Variants in RGS6 observed in about 807,000 individuals in gnomAD.
RGS6 encodes regulator of G-protein signaling 6.
In RGS6, 30 loss-of-function variants were observed where a neutral mutation model predicts 78.5. That is an observed-to-expected ratio of 0.38 (90% CI 0.29 to 0.52). The LOEUF (loss-of-function observed/expected upper bound fraction) is 0.52. Among genes scored for constraint, RGS6 ranks in the 20% least tolerant of loss-of-function variants. RGS6 has a pLI of 0.85. For synonymous variants in RGS6, 206 were observed against 206.0 expected (o/e 1.00, Z 0.00); for missense variants, 495 against 609.7 (o/e 0.81, Z 1.98).
chr14:72,258,749 G>T (rs2239261), intron 2 of RGS6, among the ~76,000 whole-genome samples: 85,233 of 151,996 alleles, frequency 0.56, 24,343 homozygotes, highest in African/African-American at 0.66. Flanking sequence ...ATACTCTGTT[G>T]TGTTATAGAG....
At chr14:72,134,640 G>A (rs767196207) in intron 2 of RGS6, among the ~76,000 whole-genome samples, 4 of 152,164 alleles carry the variant, frequency 2.6e-5, no homozygotes, top group Non-Finnish European at 5.9e-5. Flanking sequence ...ATGGGAATTG[G>A]CTCATGTGAT....
intron 3 of RGS6, among the ~76,000 whole-genome samples, chr14:72,378,501 G>A (rs1566670700): frequency 6.6e-6 from 1 of 151,900 alleles, no homozygotes; most frequent in Non-Finnish European, 1.5e-5. Context: ...AATCAGAAAT[G>A]AAAAAGGAAA....
chr14:72,629,222 G>A, the RGS6 span, among the ~76,000 whole-genome samples: 5 of 152,168 alleles, frequency 3.3e-5, no homozygotes, highest in South Asian at 1.0e-3. Context: ...TGGAGAGGGA[G>A]GTCATGGTAT....
chr14:72,580,551 G>C, the RGS6 span, among the ~76,000 whole-genome samples: 1 of 152,176 alleles, frequency 6.6e-6, no homozygotes. Flanking sequence ...TCACAGAGAA[G>C]CATGAGATAG....
chr14:72,210,024 G>T (rs2043689877), intron 2 of RGS6, among the ~76,000 whole-genome samples: 1 of 152,196 alleles, frequency 6.6e-6, no homozygotes, highest in Non-Finnish European at 1.5e-5. Context: ...CAAACTCTTT[G>T]CAGAATACAG....
chr14:72,131,243 A>G (rs1212396531), intron 2 of RGS6, among the ~76,000 whole-genome samples: 4 of 152,082 alleles, frequency 2.6e-5, no homozygotes, highest in African/African-American at 9.7e-5. Context: ...CCGACTGTGG[A>G]TTTTTGGCAT....
At chr14:72,442,184 G>A (rs976140732) in intron 3 of RGS6, among the ~76,000 whole-genome samples, 1 of 152,006 alleles carries the variant, frequency 6.6e-6, no homozygotes, top group Admixed American at 6.6e-5. Context: ...TTGTATGTAG[G>A]TCATGCCAGA....
intron 2 of RGS6, among the ~76,000 whole-genome samples, chr14:72,322,656 A>G (rs1595786408): frequency 6.6e-6 from 1 of 152,130 alleles, no homozygotes; most frequent in Non-Finnish European, 1.5e-5. Flanking sequence ...AAAATATTAG[A>G]AAACAAATCT....
At chr14:71,968,697 C>A (rs1187722546) in intron 2 of RGS6, among the ~76,000 whole-genome samples, 1 of 152,184 alleles carries the variant, frequency 6.6e-6, no homozygotes, top group African/African-American at 2.4e-5. Context: ...CAACCACAGA[C>A]TACTGTTACC....
chr14:72,095,584 CA>C (rs562696513), intron 2 of RGS6, among the ~76,000 whole-genome samples: 65 of 152,218 alleles, frequency 4.3e-4, no homozygotes, highest in Admixed American at 1.2e-3. Flanking sequence ...GCACCTGTTT[CA>C]AAGAAAGTTC....
chr14:72,136,209 C>T (rs1488722012), intron 2 of RGS6, among the ~76,000 whole-genome samples: 1 of 152,126 alleles, frequency 6.6e-6, no homozygotes, highest in Non-Finnish European at 1.5e-5. Context: ...GTCTAATTTA[C>T]ACTCCCACTA....
At chr14:72,508,512 C>T (rs927712775) in intron 13 of RGS6, among the ~76,000 whole-genome samples, 15 of 148,448 alleles carry the variant, frequency 1.0e-4, no homozygotes, top group East Asian at 5.9e-4. Flanking sequence ...CACTGGACAG[C>T]GCCAGTCTAC....
chr14:72,125,391 C>T (rs1457723642), intron 2 of RGS6, among the ~76,000 whole-genome samples: 1 of 152,142 alleles, frequency 6.6e-6, no homozygotes, highest in African/African-American at 2.4e-5. Flanking sequence ...CCCTGCCTTT[C>T]CCAGCACCCC....
At chr14:72,014,214 G>T (rs1202623995) in intron 2 of RGS6, among the ~76,000 whole-genome samples, 20 of 152,174 alleles carry the variant, frequency 1.3e-4, no homozygotes, top group Admixed American at 1.3e-3. Flanking sequence ...TCTGATATTG[G>T]ATAATGTTGA....
intron 2 of RGS6, among the ~76,000 whole-genome samples, chr14:72,305,387 T>C (rs983285683): frequency 6.6e-6 from 1 of 152,224 alleles, no homozygotes; most frequent in Non-Finnish European, 1.5e-5. Flanking sequence ...TTCACAGATA[T>C]CACATTTTTT....
intron 2 of RGS6, among the ~76,000 whole-genome samples, chr14:72,280,508 A>G (rs187506273): frequency 6.6e-6 from 1 of 152,294 alleles, no homozygotes. Flanking sequence ...TATTTATATC[A>G]CAGAACAATT....
chr14:72,048,843 G>A (rs1479606965), intron 2 of RGS6, among the ~76,000 whole-genome samples: 1 of 151,986 alleles, frequency 6.6e-6, no homozygotes, highest in South Asian at 2.1e-4. Flanking sequence ...AAAATAGAGA[G>A]GAGCTTAAAA....
the RGS6 span, among the ~76,000 whole-genome samples, chr14:72,576,080 G>A: frequency 6.6e-6 from 1 of 152,246 alleles, no homozygotes; most frequent in East Asian, 1.9e-4. Flanking sequence ...CCCTTCCATA[G>A]ATTCTAGGTG....
At position 71,960,889 on chromosome 14, in the gene RGS6, T is replaced by A. The variant is rs138745367; in HGVS notation, c.-20-3883T>A. Among the ~76,000 whole-genome samples the A allele has an allele frequency of 4.0e-4, 61 of 152,358 alleles. No individual in the cohort carries two copies. The Middle Eastern group carries it at 0.01, about 25-fold the overall frequency. ...CTCCTCCTACTCTGTGCCATCATAA[T>A]TGAGCAACCACATATTACAGTGTCC... On this transcript the variant is annotated intron_variant, in intron 1 of 17. Coordinates refer to ENST00000553525, the MANE Select transcript of RGS6 (RefSeq NM_001204424.2).
Sources: gnomAD v4.1 joint callset for allele counts (sites outside exome capture counted in the v4.1 genomes callset) on GRCh38, gnomAD v4.1.1 for gene constraint, MANE v1.5 for transcripts, NCBI Gene and HGNC (gene_info 2026-07-23, HGNC 2026-07-21) for gene names.